RIMBP2: variants seen among roughly 807,000 people sequenced by gnomAD.
RIMBP2 encodes the protein RIMS binding protein 2, also known as RIMS-binding protein 2.
Under a neutral mutation model 118.6 loss-of-function variants are expected in RIMBP2, and 48 were observed. The observed-to-expected ratio is 0.40, with a 90% CI of 0.32 to 0.51. The LOEUF (loss-of-function observed/expected upper bound fraction) is 0.51. Among genes scored for constraint, RIMBP2 ranks in the 20% least tolerant of loss-of-function variants. The probability of loss-of-function intolerance (pLI) is 0.41; values close to 1 mark genes in which losing one functional copy is unlikely to be tolerated. For missense variants in RIMBP2, 1,551 were observed against 1,768.3 expected, an observed-to-expected ratio of 0.88 and a Z score of 2.20; for synonymous variants, 762 against 742.9, an observed-to-expected ratio of 1.03 and a Z score of -0.42.
At chr12:130,428,059 G>A (rs971771060) in intron 15 of RIMBP2, 120 bp downstream of exon 15, 14 of 887,726 alleles carry the variant, frequency 1.6e-5, no homozygotes, top group South Asian at 1.2e-4. Flanking sequence ...ATCCAAATCC[G>A]AGGGCTACTG....
chr12:130,616,168 G>A (rs920944833), intron 2 of RIMBP2, among the ~76,000 whole-genome samples: 2 of 152,168 alleles, frequency 1.3e-5, no homozygotes, highest in Non-Finnish European at 2.9e-5. Context: ...GACAAATGGG[G>A]AGCTGTTCAC....
intron 2 of RIMBP2, among the ~76,000 whole-genome samples, chr12:130,590,686 A>G (rs920517200): frequency 8.5e-5 from 13 of 152,154 alleles, no homozygotes; most frequent in Admixed American, 7.2e-4. Flanking sequence ...TTTCTTTTGG[A>G]GCCCTCCGCT....
intron 4 of RIMBP2, among the ~76,000 whole-genome samples, chr12:130,485,681 G>A (rs116527694): frequency 0.012 from 1,821 of 152,256 alleles, 32 homozygotes; most frequent in African/African-American, 0.036. Flanking sequence ...AGAGGAGGGT[G>A]CCACCTTCCC....
intron 2 of RIMBP2, among the ~76,000 whole-genome samples, chr12:130,599,162 G>A (rs553716236): frequency 2.0e-5 from 3 of 152,126 alleles, no homozygotes; most frequent in East Asian, 3.8e-4. Flanking sequence ...TTCACGATAC[G>A]CAAAAATTAA....
chr12:130,449,161 C>T (rs955041979), intron 9 of RIMBP2, among the ~76,000 whole-genome samples: 2 of 152,224 alleles, frequency 1.3e-5, no homozygotes, highest in Non-Finnish European at 2.9e-5. Context: ...GCTGTTGGAG[C>T]ATCTGTGAGA....
At chr12:130,606,719 A>G (rs1457363654) in intron 2 of RIMBP2, among the ~76,000 whole-genome samples, 1 of 152,120 alleles carries the variant, frequency 6.6e-6, no homozygotes, top group African/African-American at 2.4e-5. Flanking sequence ...CTCACCTTCT[A>G]AATATGACCT....
In RIMBP2 at chr12:130,442,863, C is replaced by T. The variant is rs1221212482; in HGVS notation, c.692-203G>A. ...AGCCAGCTCCTCCATCCCCGTGGCC[C>T]AGTCTTCTTTTCTCCATGATACTTA... On this transcript the variant is annotated intron_variant, in intron 10 of 22. Coordinates refer to ENST00000690449, the MANE Select transcript of RIMBP2 (RefSeq NM_001393629.1). The surrounding 1 kb of genome is among the most constrained non-coding windows in gnomAD (Gnocchi z 6.9). 6.6e-6 allele frequency among the ~76,000 whole-genome samples: 1 copy of T among 152,192 alleles called. No individual in the cohort carries two copies. Among genetic ancestry groups the T allele is most frequent in the Non-Finnish European group, 1.5e-5 (1 of 68,048 alleles).
At chr12:130,614,049 G>A (rs2060742512) in intron 2 of RIMBP2, among the ~76,000 whole-genome samples, 1 of 152,178 alleles carries the variant, frequency 6.6e-6, no homozygotes, top group South Asian at 2.1e-4. Flanking sequence ...GGCAGTGTTA[G>A]CAGGTTCTAT....
At position 130,657,013 on chromosome 12, in the gene RIMBP2, G is replaced by C. The variant is rs939833477; in HGVS notation, c.-351-28557C>G. ...AGGCTCAAGTGATCCTCCTGCCTCA[G>C]TCTCCTACAGACCTGGGACTATAGG... is the stretch of plus-strand genomic sequence containing the variant. On this transcript the variant is annotated intron_variant, in intron 1 of 22. Transcript: ENST00000690449. Among the ~76,000 whole-genome samples the C allele has an allele frequency of 2.6e-5, 4 of 152,330 alleles. No individual in the cohort carries two copies. The East Asian group carries it at 7.7e-4, about 29-fold the overall frequency.
rs138464832 is a variant in RIMBP2, at chr12:130,451,172, A to G, written c.504+23T>C. On this transcript the variant is annotated intron_variant, in intron 8 of 22. Coordinates refer to ENST00000690449, the MANE Select transcript of RIMBP2 (RefSeq NM_001393629.1). ...CACACACAGCACAGGCAGCCCCGGC[A>G]GCCCCTGCGGGACGGGACTCACGTC... 2.3e-3 allele frequency: 3,674 copies of G among 1,609,182 alleles called. 77 individuals carry two copies. In the African/African-American group the frequency reaches 0.043, roughly 19 times the overall value.
Position 130,431,552 on chromosome 12 carries a change from GTTATA to G in RIMBP2, c.2253+3177_2253+3181del, listed in dbSNP as rs1383171697. On this transcript the variant is annotated intron_variant, in intron 14 of 22. Transcript: ENST00000690449. This position sits in a 1 kb window ranked among gnomAD's most constrained non-coding sequence, Gnocchi z 4.0. ...GGAAAATAAGTATCACTTATTTTATGTTATATTATTATATTATTAACAATATATAT... is the reference window on the plus strand; with the variant it reads ...GGAAAATAAGTATCACTTATTTTATGTTATTATATTATTAACAATATATAT... The G allele has an allele frequency of 1.7e-5, 4 of 237,262 alleles. No individual in the cohort carries two copies. The highest frequency in any genetic ancestry group is 5.2e-5 in the South Asian group (1 of 19,124). The allele number at this position is 237,262 out of a possible 1,614,324, so 14.7% of individuals were successfully genotyped here. A position where few individuals can be genotyped will look rare whatever the true frequency, so the allele number is the denominator to read the frequency against.
At chr12:130,426,921 CAG>C (rs2076829535) in intron 15 of RIMBP2, 1 of 152,316 alleles carries the variant, frequency 6.6e-6, no homozygotes, top group African/African-American at 2.4e-5. Flanking sequence ...CTGGGGCACA[CAG>C]AGGGGTCGTG....
chr12:130,457,507 G>A (rs1309473726), intron 6 of RIMBP2, among the ~76,000 whole-genome samples: 1 of 152,156 alleles, frequency 6.6e-6, no homozygotes, highest in Non-Finnish European at 1.5e-5. Context: ...TGCTCCCCTG[G>A]GACTTGAGCT....
rs2074139829 is a variant in RIMBP2 at position 130,397,325 on chromosome 12, T to C, written c.*36A>G. 2.5e-6 allele frequency: 1 copy of C among 398,606 alleles called. No homozygotes were observed. The highest frequency in any genetic ancestry group is 2.1e-5 in the African/African-American group (1 of 48,590). 24.7% of individuals were successfully genotyped at this position (398,606 alleles called of 1,614,324 possible). A position where few individuals can be genotyped will look rare whatever the true frequency, so the allele number is the denominator to read the frequency against. ...AGCCCTAGTTTGGAATTAAAGAAAA[T>C]TACATAGATTTGGCAGTTGTCCGGA... On this transcript the variant is annotated 3_prime_UTR_variant, in exon 23 of 23. Coordinates refer to ENST00000690449, the MANE Select transcript of RIMBP2 (RefSeq NM_001393629.1).
chr12:130,520,043 C>T (rs185159579), intron 2 of RIMBP2, among the ~76,000 whole-genome samples: 2 of 152,274 alleles, frequency 1.3e-5, no homozygotes, highest in East Asian at 1.9e-4. Flanking sequence ...TCATGCCATC[C>T]GCCTCTCTCT....
chr12:130,451,410 G>A (rs1001624514), intron 7 of RIMBP2, 70 bp from the exon 8 acceptor site: 32 of 1,493,918 alleles, frequency 2.1e-5, no homozygotes, highest in Middle Eastern at 1.8e-4. Context: ...TTGGTCATGC[G>A]CCTACCCGGG....
At chr12:130,426,118 G>A (rs577218159) in intron 15 of RIMBP2, 2 of 152,422 alleles carry the variant, frequency 1.3e-5, no homozygotes, top group African/African-American at 4.8e-5. Flanking sequence ...GAGTGAACCG[G>A]GCCAGCGGGG....
chr12:130,443,820 C>G (rs978698205), intron 10 of RIMBP2, among the ~76,000 whole-genome samples: 1 of 152,084 alleles, frequency 6.6e-6, no homozygotes, highest in African/African-American at 2.4e-5. Context: ...GATTATAATG[C>G]TGGTGGTGAT....
chr12:130,700,955 T>C (rs576476960), intron 1 of RIMBP2, among the ~76,000 whole-genome samples: 17 of 152,352 alleles, frequency 1.1e-4, no homozygotes, highest in Non-Finnish European at 2.2e-4. Flanking sequence ...AAGCACTTCC[T>C]GTACTGAGCA....
Sources: allele counts gnomAD v4.1 joint callset (sites outside exome capture counted in the v4.1 genomes callset), GRCh38; gene constraint gnomAD v4.1.1; non-coding constraint Gnocchi (gnomAD v3.1); transcripts MANE v1.5; gene names NCBI Gene and HGNC (gene_info 2026-07-23, HGNC 2026-07-21).